Variants in RFX6 observed in about 807,000 individuals in gnomAD.
The protein encoded by RFX6 is regulatory factor X6.
A neutral mutation model predicts 110.8 loss-of-function variants in RFX6; 50 were observed. The observed-to-expected ratio is 0.45, with a 90% CI of 0.36 to 0.57. RFX6 has a LOEUF of 0.57. RFX6 is among the 20% of genes least tolerant of loss of function. RFX6 has a pLI of 0.00. For synonymous variants in RFX6, 383 were observed against 411.2 expected (o/e 0.93, Z 0.83); for missense variants, 990 against 1,127.0 (o/e 0.88, Z 1.74).
intron 4 of RFX6, among the ~76,000 whole-genome samples, chr6:116,886,994 C>T (rs1374981750): frequency 1.3e-5 from 2 of 151,948 alleles, no homozygotes; most frequent in African/African-American, 2.4e-5. Flanking sequence ...ACCTGAGAGG[C>T]GGAGGTTGCA....
chr6:116,918,178 A>G (rs1775512272), intron 10 of RFX6, 92 bp downstream of exon 10: 1 of 936,348 alleles, frequency 1.1e-6, no homozygotes, highest in African/African-American at 1.6e-5. Flanking sequence ...TAATTTATTC[A>G]TTTATCAAGA....
intron 6 of RFX6, among the ~76,000 whole-genome samples, chr6:116,898,473 G>C (rs541910495): frequency 6.6e-6 from 1 of 152,144 alleles, no homozygotes; most frequent in South Asian, 2.1e-4. Context: ...GGGACTACAG[G>C]CACACACCAC....
intron 17 of RFX6, among the ~76,000 whole-genome samples, chr6:116,928,222 C>T (rs1775795323): frequency 6.6e-6 from 1 of 151,902 alleles, no homozygotes; most frequent in South Asian, 2.1e-4. Flanking sequence ...AGATTGGGAA[C>T]AAAACAGACC....
intron 3 of RFX6, 44 bp downstream of exon 3, chr6:116,880,711 T>G: frequency 6.2e-7 from 1 of 1,601,522 alleles, no homozygotes. Context: ...ACTAAAGTCA[T>G]GTCAGGCAGA....
intron 17 of RFX6, among the ~76,000 whole-genome samples, chr6:116,927,865 C>T (rs933608364): frequency 1.3e-5 from 2 of 150,900 alleles, no homozygotes; most frequent in African/African-American, 4.9e-5. Flanking sequence ...ATCTCAGCTT[C>T]CCAAGTAGCT....
chr6:116,914,697 A>G (rs891165358), intron 7 of RFX6, among the ~76,000 whole-genome samples: 2 of 152,182 alleles, frequency 1.3e-5, no homozygotes, highest in African/African-American at 2.4e-5. Context: ...AGATATGTGT[A>G]TTGGGTTGTG....
intron 18 of RFX6, among the ~76,000 whole-genome samples, chr6:116,929,790 C>G (rs947244399): frequency 6.6e-6 from 1 of 152,186 alleles, no homozygotes; most frequent in African/African-American, 2.4e-5. Context: ...AGATTGATTT[C>G]AGACTAGCAT....
At chr6:116,922,172 C>A in intron 13 of RFX6, 21 bp downstream of exon 13, 1 of 1,103,720 alleles carries the variant, frequency 9.1e-7, no homozygotes, top group Non-Finnish European at 1.4e-6. Flanking sequence ...ATGACAGATT[C>A]AGAAAATAAG....
At chr6:116,911,495 C>T (rs1403399429) in intron 7 of RFX6, among the ~76,000 whole-genome samples, 1 of 152,086 alleles carries the variant, frequency 6.6e-6, no homozygotes, top group Non-Finnish European at 1.5e-5. Context: ...ATGAACTTTC[C>T]TTACTTCTAA....
At chr6:116,908,972 C>T (rs573821437) in intron 6 of RFX6, among the ~76,000 whole-genome samples, 2 of 151,808 alleles carry the variant, frequency 1.3e-5, no homozygotes, top group African/African-American at 4.8e-5. Flanking sequence ...TTGACATATA[C>T]GTTTTCAAGT....
In RFX6 at chr6:116,925,266, A is replaced by C. The variant is rs9489067; in HGVS notation, c.1679-187A>C. 0.24 allele frequency among the ~76,000 whole-genome samples: 37,037 copies of C among 151,928 alleles called. 4,897 individuals carry two copies. The highest frequency in any genetic ancestry group is 0.42 in the South Asian group (2,021 of 4,822). On this transcript the variant is annotated intron_variant, in intron 15 of 18. Transcript: ENST00000332958. ...CATCCACATCCGCAAATATGCAGCT[A>C]AAAAAAACCTAGCATCACTGTCAAG...
rs1353915155 is a variant in RFX6 at position 116,932,063 on chromosome 6, G to C, written c.*557G>C. 2 of 153,456 alleles carry C rather than the reference G, an allele frequency of 1.3e-5. No homozygotes were observed. The highest frequency in any genetic ancestry group is 4.8e-5 in the African/African-American group (2 of 41,444). The allele number at this position is 153,456 out of a possible 1,614,324, so 9.5% of individuals were successfully genotyped here. On this transcript the variant is annotated 3_prime_UTR_variant, in exon 19 of 19. Transcript: ENST00000332958. The stretch of plus-strand genomic sequence containing the variant: ...TTAGTGTGATGATTTCTGTCACATA[G>C]CAGCATTCCGATTCTATGTAACTGA...
intron 14 of RFX6, 54 bp from the exon 15 acceptor site, chr6:116,924,615 C>T (rs952720668): frequency 3.9e-6 from 6 of 1,531,358 alleles, no homozygotes; most frequent in Admixed American, 1.7e-5. Flanking sequence ...TTCTCTTTCT[C>T]TCCCCTTTTT....
intron 7 of RFX6, 82 bp downstream of exon 7, chr6:116,911,124 C>T: frequency 1.0e-6 from 1 of 967,418 alleles, no homozygotes. Context: ...CATGGTACTG[C>T]AGGAAGCAAT....
At chr6:116,879,332 T>A (rs550564551) in intron 2 of RFX6, among the ~76,000 whole-genome samples, 14 of 152,060 alleles carry the variant, frequency 9.2e-5, no homozygotes, top group African/African-American at 3.4e-4. Context: ...GTACATGTAA[T>A]TAAAATATAA....
At chr6:116,900,603 A>G (rs182986524) in intron 6 of RFX6, among the ~76,000 whole-genome samples, 2 of 152,030 alleles carry the variant, frequency 1.3e-5, no homozygotes, top group Admixed American at 6.6e-5. Context: ...TTTAAAAAAA[A>G]TTTTTATTTC....
At chr6:116,923,935 A>G (rs1201891916) in intron 14 of RFX6, among the ~76,000 whole-genome samples, 1 of 152,194 alleles carries the variant, frequency 6.6e-6, no homozygotes, top group East Asian at 1.9e-4. Context: ...GAAAGAGATT[A>G]CAATTAACTA....
At chr6:116,921,565 G>T (rs757795961) in intron 12 of RFX6, among the ~76,000 whole-genome samples, 2 of 151,744 alleles carry the variant, frequency 1.3e-5, no homozygotes, top group African/African-American at 4.8e-5. Context: ...TTAAAATTTC[G>T]GGCACACTTC....
intron 6 of RFX6, 76 bp downstream of exon 6, chr6:116,895,283 C>A: frequency 2.5e-6 from 2 of 806,738 alleles, no homozygotes; most frequent in South Asian, 1.6e-5. Context: ...GTTAATTATT[C>A]CCTTTGGCAA....
Sources: gnomAD v4.1 joint callset for allele counts (sites outside exome capture counted in the v4.1 genomes callset) on GRCh38, gnomAD v4.1.1 for gene constraint, MANE v1.5 for transcripts, NCBI Gene and HGNC (gene_info 2026-07-23, HGNC 2026-07-21) for gene names.